The following UCHL3 variants were observed in gnomAD, a reference collection of about 807,000 sequenced individuals.
The protein encoded by UCHL3 is ubiquitin carboxyl-terminal hydrolase isozyme L3.
A neutral mutation model predicts 35.8 loss-of-function variants in UCHL3; 22 were observed. That is an observed-to-expected ratio of 0.61 (90% CI 0.44 to 0.88). The LOEUF is 0.88. UCHL3 is among the 40% of genes least tolerant of loss of function. The probability of loss-of-function intolerance (pLI) is 0.00; values close to 1 mark genes in which losing one functional copy is unlikely to be tolerated. For synonymous variants in UCHL3, 90 were observed against 92.8 expected, an observed-to-expected ratio of 0.97 and a Z score of 0.17; for missense variants, 229 against 276.9, an observed-to-expected ratio of 0.83 and a Z score of 1.23.
In UCHL3 at chr13:75,550,202, A is replaced by C. The variant is rs564180996; in HGVS notation, c.54+215A>C. On this transcript the variant is annotated intron_variant, in intron 2 of 8. Coordinates refer to ENST00000377595, the MANE Select transcript of UCHL3 (RefSeq NM_006002.5). Reference sequence around the variant, plus strand: ...ATTCTCCCACCACTCCTCTGGTCCCATTCTGCAGTCACCACGTATCTTGGG... The same window carrying C: ...ATTCTCCCACCACTCCTCTGGTCCCCTTCTGCAGTCACCACGTATCTTGGG... 5.9e-5 allele frequency among the ~76,000 whole-genome samples: 9 copies of C among 152,262 alleles called. No individual in the cohort carries two copies. The South Asian group carries it at 1.9e-3, about 32-fold the overall frequency.
At chr13:75,586,324 C>T (rs575365075) in intron 6 of UCHL3, among the ~76,000 whole-genome samples, 5 of 151,950 alleles carry the variant, frequency 3.3e-5, no homozygotes, top group African/African-American at 4.8e-5. Context: ...ATAGCATACA[C>T]GTAACAGAAA....
chr13:75,566,885 C>G (rs752353709), intron 4 of UCHL3, 34 bp downstream of exon 4: 5 of 1,565,356 alleles, frequency 3.2e-6, no homozygotes, highest in South Asian at 2.4e-5. Context: ...TTTTTTCCCC[C>G]TTAAGATACA....
chr13:75,592,446 A>ACATATATACATATATATATGTATATATG (rs1555276762), intron 6 of UCHL3, among the ~76,000 whole-genome samples: 1 of 71,072 alleles, frequency 1.4e-5, no homozygotes, highest in Non-Finnish European at 3.2e-5. Context: ...ATATATATAT[A>ACATATATACATATATATATGTATATATG]TATATATATA....
intron 6 of UCHL3, among the ~76,000 whole-genome samples, chr13:75,592,446 A>ATATATATACATATATACATATATATG (rs2032523319): frequency 1.4e-5 from 1 of 71,072 alleles, no homozygotes. Context: ...ATATATATAT[A>ATATATATACATATATACATATATATG]TATATATATA....
intron 6 of UCHL3, among the ~76,000 whole-genome samples, chr13:75,581,694 A>AT (rs35365245): frequency 0.022 from 2,997 of 139,132 alleles, 1 homozygote; most frequent in Middle Eastern, 0.027. Context: ...GCTTTGTTTG[A>AT]TTTTTTTTTT....
intron 3 of UCHL3, among the ~76,000 whole-genome samples, chr13:75,561,851 ATACGTATACATATATACATACG>A (rs2031523963): frequency 6.7e-6 from 1 of 149,610 alleles, no homozygotes; most frequent in Non-Finnish European, 1.5e-5. Flanking sequence ...ATACGTATAC[ATACGTATACATATATACATACG>A]TATATACGTA....
At chr13:75,592,165 A>G (rs1001384883) in intron 6 of UCHL3, among the ~76,000 whole-genome samples, 55 of 151,534 alleles carry the variant, frequency 3.6e-4, no homozygotes, top group African/African-American at 1.2e-3. Context: ...ATTTATATCT[A>G]ATTGATTTGT....
intron 7 of UCHL3, among the ~76,000 whole-genome samples, chr13:75,601,803 A>G (rs1372066574): frequency 6.6e-6 from 1 of 152,166 alleles, no homozygotes; most frequent in East Asian, 1.9e-4. Flanking sequence ...AAGCCTGTAC[A>G]TTTTTAAAAA....
At chr13:75,559,426 A>G (rs2031418958) in intron 2 of UCHL3, among the ~76,000 whole-genome samples, 1 of 152,132 alleles carries the variant, frequency 6.6e-6, no homozygotes, top group Admixed American at 6.5e-5. Context: ...GAAAGTTTTT[A>G]TAAATCACTA....
intron 7 of UCHL3, among the ~76,000 whole-genome samples, chr13:75,602,062 T>C (rs1185145914): frequency 6.6e-6 from 1 of 152,058 alleles, no homozygotes; most frequent in East Asian, 1.9e-4. Context: ...TGAGCTGAGA[T>C]TGTGCCACTG....
At position 75,555,814 on chromosome 13, in the gene UCHL3, A is replaced by G. The variant is rs570146911; in HGVS notation, c.55-4939A>G. ...CACTATGTTGCCCAGGCTGGCCTCC[A>G]GCTCCTGGGGTCAAACAATTCTGCC... is the stretch of plus-strand genomic sequence containing the variant. On this transcript the variant is annotated intron_variant, in intron 2 of 8. Coordinates refer to ENST00000377595, the MANE Select transcript of UCHL3 (RefSeq NM_006002.5). Among the ~76,000 whole-genome samples the G allele has an allele frequency of 2.0e-5, 3 of 152,284 alleles. No homozygotes were observed. In the South Asian group the frequency reaches 6.2e-4, roughly 32 times the overall value.
intron 3 of UCHL3, among the ~76,000 whole-genome samples, chr13:75,564,155 CT>C (rs35022480): frequency 1.7e-3 from 243 of 146,348 alleles, no homozygotes; most frequent in African/African-American, 2.7e-3. Flanking sequence ...GTGCAGATAT[CT>C]TTTTTTTTTT....
intron 6 of UCHL3, among the ~76,000 whole-genome samples, chr13:75,573,984 G>C (rs1018948468): frequency 6.6e-6 from 1 of 152,142 alleles, no homozygotes; most frequent in Non-Finnish European, 1.5e-5. Flanking sequence ...TTGGGAGGCC[G>C]AGGCGGGCAG....
intron 7 of UCHL3, among the ~76,000 whole-genome samples, chr13:75,598,337 T>C (rs1197268713): frequency 1.3e-5 from 2 of 152,220 alleles, no homozygotes; most frequent in African/African-American, 4.8e-5. Flanking sequence ...CTCTCCTACA[T>C]AACTATAGTA....
At chr13:75,584,696 C>G (rs924900593) in intron 6 of UCHL3, among the ~76,000 whole-genome samples, 1 of 152,064 alleles carries the variant, frequency 6.6e-6, no homozygotes, top group Admixed American at 6.6e-5. Flanking sequence ...ATTAAATGCT[C>G]AAGTGGAAAA....
At chr13:75,602,890 T>C (rs944265407) in intron 7 of UCHL3, among the ~76,000 whole-genome samples, 24 of 152,230 alleles carry the variant, frequency 1.6e-4, no homozygotes, top group African/African-American at 5.5e-4. Flanking sequence ...TGTTTAACAA[T>C]CTTAGTCTAT....
At chr13:75,565,822 C>T (rs1004042458) in intron 3 of UCHL3, among the ~76,000 whole-genome samples, 1 of 152,146 alleles carries the variant, frequency 6.6e-6, no homozygotes, top group Non-Finnish European at 1.5e-5. Flanking sequence ...ATTTTTTACT[C>T]TTTCTTACTA....
chr13:75,583,177 G>C (rs1165445481), intron 6 of UCHL3, among the ~76,000 whole-genome samples: 1 of 152,162 alleles, frequency 6.6e-6, no homozygotes, highest in African/African-American at 2.4e-5. Flanking sequence ...TAAGGTAGTA[G>C]ACAAAAGCTT....
At chr13:75,567,698 G>T (rs538912007) in intron 5 of UCHL3, among the ~76,000 whole-genome samples, 2 of 151,958 alleles carry the variant, frequency 1.3e-5, no homozygotes, top group East Asian at 3.9e-4. Context: ...CAGGTGCGTG[G>T]CACCACACCT....
Sources: gnomAD v4.1 joint callset for allele counts (sites outside exome capture counted in the v4.1 genomes callset) on GRCh38, gnomAD v4.1.1 for gene constraint, MANE v1.5 for transcripts, NCBI Gene and HGNC (gene_info 2026-07-23, HGNC 2026-07-21) for gene names.